Variants in ANKRD36 observed in about 807,000 individuals in gnomAD.
ANKRD36 encodes the protein ankyrin repeat domain 36, also known as ankyrin repeat domain-containing protein 36A.
ANKRD36 carries 179 observed loss-of-function variants against 278.1 expected under a neutral mutation model. The ratio of observed to expected loss-of-function variants is 0.64; its 90% CI spans 0.57 to 0.73. ANKRD36 has a LOEUF of 0.73. ANKRD36 is among the 30% of genes least tolerant of loss of function. The probability of loss-of-function intolerance (pLI) is 0.00; values close to 1 mark genes in which losing one functional copy is unlikely to be tolerated. For missense variants in ANKRD36, 1,159 were observed against 1,956.7 expected (o/e 0.59, Z 7.69); for synonymous variants, 320 against 641.1 (o/e 0.50, Z 7.57).
At chr2:97,132,389 A>T (rs2040405263) in intron 6 of ANKRD36, among the ~76,000 whole-genome samples, 1 of 151,078 alleles carries the variant, frequency 6.6e-6, no homozygotes, top group African/African-American at 2.4e-5. Flanking sequence ...ATACTATGGG[A>T]TATATTTTTA....
chr2:97,181,119 G>C (rs911614681), intron 24 of ANKRD36, among the ~76,000 whole-genome samples: 5 of 151,656 alleles, frequency 3.3e-5, no homozygotes, highest in African/African-American at 1.2e-4. Flanking sequence ...GAGATGTGAA[G>C]AGAACATTTA....
intron 66 of ANKRD36, among the ~76,000 whole-genome samples, chr2:97,220,028 A>C (rs1477209192): frequency 7.4e-6 from 1 of 135,038 alleles, no homozygotes; most frequent in Non-Finnish European, 1.5e-5. Context: ...ATATTAAGCC[A>C]ATCGGATGTT....
intron 3 of ANKRD36, among the ~76,000 whole-genome samples, chr2:97,120,967 A>T (rs1214709130): frequency 1.3e-5 from 2 of 151,838 alleles, no homozygotes; most frequent in Non-Finnish European, 2.9e-5. Flanking sequence ...GCCCCTTTCT[A>T]TGAGGCATGT....
intron 3 of ANKRD36, among the ~76,000 whole-genome samples, chr2:97,121,251 C>T: frequency 6.6e-6 from 1 of 151,964 alleles, no homozygotes; most frequent in Non-Finnish European, 1.5e-5. Flanking sequence ...CATTAGAATG[C>T]ATGTAAGCTT....
At chr2:97,148,973 A>T (rs1338273776) in intron 11 of ANKRD36, among the ~76,000 whole-genome samples, 1 of 152,062 alleles carries the variant, frequency 6.6e-6, no homozygotes, top group African/African-American at 2.4e-5. Context: ...TTTAGGGTAG[A>T]TAATTTATAA....
At position 97,206,099 on chromosome 2, in the gene ANKRD36, G is replaced by C. The variant is rs2062779995; in HGVS notation, c.3127G>C (p.Ala1043Pro). The change falls in exon 52 of 76, where the codon GCC (alanine) becomes CCC (proline). Residue 1043 changes from alanine to proline, a missense_variant. By Grantham distance (27) the Ala-to-Pro change is conservative (BLOSUM62 -1). Coordinates refer to ENST00000420699, the MANE Select transcript of ANKRD36 (RefSeq NM_001354587.1). ...TGAGGAAGATTCTGTTTTGAGTATA[G>C]CCAGAGAAAACAAGGATGGAGAAAA... The part of the protein sequence containing the change: ...SDEEDSVLSI[A>P]RENKDGEKSR... 1.3e-6 allele frequency: 2 copies of C among 1,548,820 alleles called. No homozygotes were observed. The highest frequency in any genetic ancestry group is 4.8e-5 in the East Asian group (2 of 41,684).
At chr2:97,199,307 A>C (rs115661023) in intron 44 of ANKRD36, among the ~76,000 whole-genome samples, 4 of 151,758 alleles carry the variant, frequency 2.6e-5, no homozygotes, top group East Asian at 3.9e-4. Context: ...CTGACCCCTT[A>C]CTCTTCTTGT....
intron 67 of ANKRD36, among the ~76,000 whole-genome samples, chr2:97,229,548 G>GT (rs2071169048): frequency 6.6e-6 from 1 of 152,084 alleles, no homozygotes; most frequent in African/African-American, 2.4e-5. Context: ...CGTGAGATGG[G>GT]TTTCCTGAAT....
intron 54 of ANKRD36, among the ~76,000 whole-genome samples, chr2:97,209,004 A>G (rs1361460090): frequency 6.8e-6 from 1 of 146,776 alleles, no homozygotes; most frequent in Non-Finnish European, 1.5e-5. Context: ...ATTGAGGCTA[A>G]TATATTATCC....
intron 3 of ANKRD36, among the ~76,000 whole-genome samples, chr2:97,121,132 A>T (rs2036686911): frequency 6.6e-6 from 1 of 152,074 alleles, no homozygotes; most frequent in African/African-American, 2.4e-5. Context: ...TTAAATGTAG[A>T]GTCTATATTT....
intron 66 of ANKRD36, among the ~76,000 whole-genome samples, chr2:97,222,172 G>A (rs1272743840): frequency 3.9e-5 from 6 of 151,904 alleles, no homozygotes; most frequent in African/African-American, 1.4e-4. Flanking sequence ...GGCTGTTTTG[G>A]TTACTGTAGC....
chr2:97,200,464 T>G lies in ANKRD36; in HGVS notation c.2796T>G (p.Asp932Glu), dbSNP rs1450802444. Residue 932 changes from aspartate to glutamate, a missense_variant, in exon 46 of 76, where the codon GAT becomes GAG. Transcript: ENST00000420699. ...RKKPSLEATSDEKDSFSNITR... is the reference protein window; with the variant it reads ...RKKPSLEATSEEKDSFSNITR... ...CAAATTCCATTCAGGCCACAAGTGATGAGAAGGATTCTTTTTCGAATATAA... is the reference window on the plus strand; with the variant it reads ...CAAATTCCATTCAGGCCACAAGTGAGGAGAAGGATTCTTTTTCGAATATAA... 2.5e-6 allele frequency: 4 copies of G among 1,592,104 alleles called. No individual in the cohort carries two copies. The highest frequency in any genetic ancestry group is 3.4e-6 in the Non-Finnish European group (4 of 1,174,276).
intron 28 of ANKRD36, among the ~76,000 whole-genome samples, chr2:97,183,946 G>A (rs942454204): frequency 5.3e-5 from 8 of 151,502 alleles, no homozygotes; most frequent in Non-Finnish European, 1.0e-4. Flanking sequence ...TTATTTCAGA[G>A]CATGTTTCTA....
chr2:97,134,543 C>G (rs1376676811), intron 6 of ANKRD36, among the ~76,000 whole-genome samples: 1 of 152,060 alleles, frequency 6.6e-6, no homozygotes, highest in Non-Finnish European at 1.5e-5. Flanking sequence ...GTTTCTTATT[C>G]ACCTTCTTTC....
intron 12 of ANKRD36, among the ~76,000 whole-genome samples, chr2:97,150,564 T>C (rs1170104632): frequency 6.6e-6 from 1 of 152,184 alleles, no homozygotes; most frequent in Non-Finnish European, 1.5e-5. Context: ...CTATTAAATG[T>C]CTTGAATGTT....
intron 3 of ANKRD36, among the ~76,000 whole-genome samples, chr2:97,120,814 T>C (rs960616428): frequency 3.3e-5 from 5 of 152,146 alleles, no homozygotes; most frequent in African/African-American, 1.2e-4. Flanking sequence ...GTCCCATACA[T>C]GTGTTTAGTT....
chr2:97,135,357 A>G (rs1040295474), intron 6 of ANKRD36, among the ~76,000 whole-genome samples: 7 of 151,996 alleles, frequency 4.6e-5, no homozygotes, highest in Middle Eastern at 3.4e-3. Context: ...CTATAATAAA[A>G]TTTAATGCAT....
intron 58 of ANKRD36, 67 bp downstream of exon 58, chr2:97,211,808 A>G: frequency 1.3e-6 from 2 of 1,486,430 alleles, no homozygotes; most frequent in Non-Finnish European, 9.1e-7. Flanking sequence ...TTCACCAAAT[A>G]AAACAGCGGG....
intron 6 of ANKRD36, among the ~76,000 whole-genome samples, chr2:97,136,476 G>C (rs1331274645): frequency 6.6e-6 from 1 of 151,662 alleles, no homozygotes; most frequent in Non-Finnish European, 1.5e-5. Flanking sequence ...AGTCCAACTG[G>C]AAGTTGATTA....
Sources: gnomAD v4.1 joint callset for allele counts (sites outside exome capture counted in the v4.1 genomes callset) on GRCh38, gnomAD v4.1.1 for gene constraint, MANE v1.5 for transcripts, NCBI Gene and HGNC (gene_info 2026-07-23, HGNC 2026-07-21) for gene names.